The following ZBTB11 variants were observed in gnomAD, a reference collection of about 807,000 sequenced individuals.
ZBTB11 encodes the protein zinc finger and BTB domain-containing protein 11.
ZBTB11 carries 68 observed loss-of-function variants against 113.1 expected under a neutral mutation model. The ratio of observed to expected loss-of-function variants is 0.60; its 90% CI spans 0.49 to 0.74. ZBTB11 has a LOEUF of 0.74. Ranked by LOEUF, ZBTB11 falls within the 30% of genes least tolerant of loss-of-function variation. The pLI, the probability that ZBTB11 is intolerant of heterozygous loss-of-function variation, is 0.00. For missense variants in ZBTB11, 1,104 were observed against 1,279.4 expected (o/e 0.86, Z 2.09); for synonymous variants, 518 against 452.6 (o/e 1.14, Z -1.83).
Position 101,650,472 on chromosome 3 carries a change from T to C in ZBTB11, c.*694A>G, listed in dbSNP as rs1936683307. The C allele has an allele frequency of 6.6e-6, 1 of 152,656 alleles. No individual in the cohort carries two copies. Among genetic ancestry groups the C allele is most frequent in the African/African-American group, 2.4e-5 (1 of 41,460 alleles). The allele number at this position is 152,656 out of a possible 1,614,324, so 9.5% of individuals were successfully genotyped here. A position where few individuals can be genotyped will look rare whatever the true frequency, so the allele number is the denominator to read the frequency against. On this transcript the variant is annotated 3_prime_UTR_variant, in exon 11 of 11. Coordinates refer to ENST00000312938, the MANE Select transcript of ZBTB11 (RefSeq NM_014415.4). ...GTATAGTAAGGTTTTAATAAGCATT[T>C]CATGCATTTTAATGGCATTTTAAAA...
intron 3 of ZBTB11, among the ~76,000 whole-genome samples, chr3:101,669,830 CTT>C (rs34961780): frequency 2.9e-4 from 41 of 141,148 alleles, no homozygotes; most frequent in Non-Finnish European, 2.9e-4. Context: ...GCTATTAGTG[CTT>C]TTTTTTTTTT....
At chr3:101,653,171 G>A (rs142302885) in intron 8 of ZBTB11, among the ~76,000 whole-genome samples, 13 of 152,288 alleles carry the variant, frequency 8.5e-5, no homozygotes, top group African/African-American at 2.9e-4. Flanking sequence ...GGTTATTACA[G>A]AGGAAATTTA....
In ZBTB11 at chr3:101,652,596, C is replaced by T. The variant is rs779699235; in HGVS notation, c.2544G>A (p.Lys848=). The T allele has an allele frequency of 1.2e-6, 2 of 1,614,160 alleles. No individual in the cohort carries two copies. Among genetic ancestry groups the T allele is most frequent in the Admixed American group, 1.7e-5 (1 of 60,020 alleles). Residue 848 remains lysine (K), a synonymous_variant, in exon 10 of 11, where the codon AAG becomes AAA. Transcript: ENST00000312938. ...CCAGGTTTTGCTTTGCTCTTCCTTT[C>T]TTCCCATGGGTAGCTTTCTTTACAT... is the stretch of plus-strand genomic sequence containing the variant. The part of the protein sequence containing the change: ...RRHVKKATHG[K]KGRAKQNLER...
chr3:101,667,266 C>T (rs1257224929), intron 3 of ZBTB11, among the ~76,000 whole-genome samples: 1 of 152,154 alleles, frequency 6.6e-6, no homozygotes, highest in Non-Finnish European at 1.5e-5. Context: ...TCTTGACCTC[C>T]TGGCCTGAAG....
At position 101,676,461 on chromosome 3, in the gene ZBTB11, C is replaced by G. The variant is rs111267852; in HGVS notation, c.310+144G>C. ...AGTGCGGCTCCTTTCGCGTCCCCCA[C>G]CCTCTCGGCTCCGCCTGGCAGCAGC... On this transcript the variant is annotated intron_variant, in intron 1 of 10. Coordinates refer to ENST00000312938, the MANE Select transcript of ZBTB11 (RefSeq NM_014415.4). 6.2e-5 allele frequency: 53 copies of G among 849,388 alleles called. No homozygotes were observed. The African/African-American group carries it at 8.0e-4, about 13-fold the overall frequency. The allele number at this position is 849,388 out of a possible 1,614,324, so 52.6% of individuals were successfully genotyped here.
In ZBTB11 at chr3:101,665,483, A is replaced by G. The variant is rs774711213; in HGVS notation, c.1104T>C (p.Asn368=). 5 of 1,614,060 alleles carry G rather than the reference A, an allele frequency of 3.1e-6. No homozygotes were observed. Among genetic ancestry groups the G allele is most frequent in the South Asian group, 1.1e-5 (1 of 91,080 alleles). The change falls in exon 4 of 11, where the codon AAT becomes AAC. Residue 368 remains asparagine, a synonymous_variant. Transcript: ENST00000312938. The stretch of plus-strand genomic sequence containing the variant: ...TCTGCTCAGCTTCTGGCAATTCTCC[A>G]TTTACCAGTAGTACAATTTCACAAT... ...LGDCEIVLLV[N]GELPEAEQNG...
chr3:101,666,145 A>G (rs1296696349), intron 3 of ZBTB11, among the ~76,000 whole-genome samples: 1 of 152,214 alleles, frequency 6.6e-6, no homozygotes, highest in African/African-American at 2.4e-5. Flanking sequence ...GTTAAAAAAA[A>G]AGAGGAAGAC....
At position 101,676,784 on chromosome 3, in the gene ZBTB11, C is replaced by T; in HGVS notation, c.131G>A (p.Gly44Asp). ...CCGCCGCTGGTAATACAGAGTCCCG[C>T]CGCGCACCACGTAGCAGGCGGCAGC... ...RKAAACYVVRGGTLYYQRRQR... is the reference protein window; with the variant it reads ...RKAAACYVVRDGTLYYQRRQR... Residue 44 changes from glycine (G) to aspartate (D), a missense_variant, in exon 1 of 11, where the codon GGC (glycine) becomes GAC (aspartate). By Grantham distance (94) the Gly-to-Asp change is moderately conservative (BLOSUM62 -1). This residue lies in a region of ZBTB11 where 245 missense variants were observed against 272.5 expected (regional missense o/e 0.90). Coordinates refer to ENST00000312938, the MANE Select transcript of ZBTB11 (RefSeq NM_014415.4). 1 of 1,610,386 alleles carries T rather than the reference C, an allele frequency of 6.2e-7. No individual in the cohort carries two copies.
Position 101,664,720 on chromosome 3 carries a change from A to G in ZBTB11, c.1624-6T>C. Reference sequence around the variant, plus strand: ...TGAACTAACTTCTGAGCCACCTAGTAAGGGATAGAAATCACAATCTAAGTA... The same window carrying G: ...TGAACTAACTTCTGAGCCACCTAGTGAGGGATAGAAATCACAATCTAAGTA... On this transcript the variant is annotated splice_polypyrimidine_tract_variant and splice_region_variant and intron_variant, in intron 4 of 10. Transcript: ENST00000312938. 6 of 1,575,680 alleles carry G rather than the reference A, an allele frequency of 3.8e-6. No individual in the cohort carries two copies. Among genetic ancestry groups the G allele is most frequent in the Non-Finnish European group, 5.1e-6 (6 of 1,166,918 alleles).
At chr3:101,662,470 C>A (rs1169357528) in intron 5 of ZBTB11, among the ~76,000 whole-genome samples, 3 of 152,040 alleles carry the variant, frequency 2.0e-5, no homozygotes, top group African/African-American at 7.2e-5. Context: ...ACTAAAAATA[C>A]AAAATTAGCC....
At chr3:101,656,277 A>G in intron 6 of ZBTB11, 29 bp from the exon 7 acceptor site, 2 of 1,352,612 alleles carry the variant, frequency 1.5e-6, no homozygotes, top group African/African-American at 3.0e-5. Flanking sequence ...GATTAAGTCA[A>G]TAAAACAAAA....
At chr3:101,666,137 T>A (rs1294513033) in intron 3 of ZBTB11, among the ~76,000 whole-genome samples, 1 of 150,812 alleles carries the variant, frequency 6.6e-6, no homozygotes, top group African/African-American at 2.4e-5. Context: ...GATGGAGGGT[T>A]AAAAAAAAAG....
At position 101,676,635 on chromosome 3, in the gene ZBTB11, G is replaced by A. The variant is rs1431822876; in HGVS notation, c.280C>T (p.His94Tyr). Residue 94 changes from histidine (H) to tyrosine (Y), a missense_variant, in exon 1 of 11, where the codon CAC becomes TAC. This residue lies in a region of ZBTB11 where 245 missense variants were observed against 272.5 expected (regional missense o/e 0.90). Coordinates refer to ENST00000312938, the MANE Select transcript of ZBTB11 (RefSeq NM_014415.4). ...CACCAGTACGTCTTGGACAAGTAGT[G>A]CCAGGTCTGATGCCGGGTGTGGTGA... ...GTHHTRHQTW[H>Y]YLSKTYWWRG... The A allele has an allele frequency of 7.7e-6, 12 of 1,552,040 alleles. No homozygotes were observed. Among genetic ancestry groups the A allele is most frequent in the Non-Finnish European group, 1.0e-5 (12 of 1,147,306 alleles).
In ZBTB11 at chr3:101,651,656, C is replaced by T; in HGVS notation, c.2672G>A (p.Cys891Tyr). ...TCGGGCATCAGCCCAAGCTACTCCA[C>T]ATGTTAAGCACTCAAATGGCTTAAC... is the stretch of plus-strand genomic sequence containing the variant. ...EGVKPFECLT[C>Y]GVAWADARSL... The change falls in exon 11 of 11, where the codon TGT becomes TAT. Residue 891 changes from cysteine to tyrosine, a missense_variant. By Grantham distance (194) the Cys-to-Tyr change is radical (BLOSUM62 -2). Around this residue, in one of 5 missense-constraint regions of ZBTB11, gnomAD observed 148 missense variants for 259.3 expected, o/e 0.57. Coordinates refer to ENST00000312938, the MANE Select transcript of ZBTB11 (RefSeq NM_014415.4). 1 of 1,537,722 alleles carries T rather than the reference C, an allele frequency of 6.5e-7. No homozygotes were observed. Among genetic ancestry groups the T allele is most frequent in the Non-Finnish European group, 8.7e-7 (1 of 1,143,894 alleles).
rs1437932154 is a variant in ZBTB11, at chr3:101,651,098, T to A, written c.*68A>T. 6.8e-7 allele frequency: 1 copy of A among 1,472,708 alleles called. No individual in the cohort carries two copies. The highest frequency in any genetic ancestry group is 1.4e-5 in the African/African-American group (1 of 70,908). 91.2% of individuals were successfully genotyped at this position (1,472,708 alleles called of 1,614,324 possible). On this transcript the variant is annotated 3_prime_UTR_variant, in exon 11 of 11. Transcript: ENST00000312938. ...ACTCCAAGCAGACAGTCACACAGAA[T>A]TGTAAACAAATGTTCTGTGAGTTCA...
chr3:101,673,813 C>T (rs528392789), intron 1 of ZBTB11, among the ~76,000 whole-genome samples: 1 of 152,192 alleles, frequency 6.6e-6, no homozygotes, highest in Non-Finnish European at 1.5e-5. Flanking sequence ...CCTTGCCTGG[C>T]CACCAAGTTC....
At chr3:101,668,620 C>T (rs1437336105) in intron 3 of ZBTB11, among the ~76,000 whole-genome samples, 1 of 117,722 alleles carries the variant, frequency 8.5e-6, no homozygotes, top group South Asian at 2.7e-4. Context: ...AAGATTCTGT[C>T]AAAAAAAAAA....
intron 3 of ZBTB11, 38 bp from the exon 4 acceptor site, chr3:101,665,846 A>G: frequency 1.3e-6 from 2 of 1,521,470 alleles, no homozygotes; most frequent in South Asian, 2.6e-5. Context: ...AAAAAAGTCA[A>G]TTATCAATGA....
chr3:101,664,638 G>T lies in ZBTB11; in HGVS notation c.1700C>A (p.Ala567Glu). Reference protein sequence around the residue: ...KRDAKENTEEASHKCGECGMV... With the variant: ...KRDAKENTEEESHKCGECGMV... ...TCCACATTCCCCACATTTATGAGAT[G>T]CTTCTTCTGTGTTCTCTTTAGCATC... Residue 567 changes from alanine (A) to glutamate (E), a missense_variant, in exon 5 of 11, where the codon GCA (alanine) becomes GAA (glutamate). This residue lies in a region of ZBTB11 where 535 missense variants were observed against 518.6 expected (regional missense o/e 1.03). Transcript: ENST00000312938. The T allele has an allele frequency of 6.2e-7, 1 of 1,613,832 alleles. No homozygotes were observed. Among genetic ancestry groups the T allele is most frequent in the Non-Finnish European group, 8.5e-7 (1 of 1,179,932 alleles).
Sources: allele counts gnomAD v4.1 joint callset (sites outside exome capture counted in the v4.1 genomes callset), GRCh38; gene constraint gnomAD v4.1.1; regional missense constraint gnomAD v4.1.1; transcripts MANE v1.5; gene names NCBI Gene and HGNC (gene_info 2026-07-23, HGNC 2026-07-21).